Variants in RNF115 observed in about 807,000 individuals in gnomAD.
RNF115 encodes the protein ring finger protein 115.
RNF115 carries 31 observed loss-of-function variants against 39.2 expected under a neutral mutation model. That is an observed-to-expected ratio of 0.79 (90% CI 0.59 to 1.07). The LOEUF is 1.07. Ranked by LOEUF, RNF115 falls within the 50% of genes least tolerant of loss-of-function variation. The pLI is 0.00. For missense variants in RNF115, 384 were observed against 381.7 expected, an observed-to-expected ratio of 1.01 and a Z score of -0.05; for synonymous variants, 124 against 131.0, an observed-to-expected ratio of 0.95 and a Z score of 0.37.
intron 6 of RNF115, 31 bp from the exon 7 acceptor site, chr1:145,750,531 T>C: frequency 6.4e-7 from 1 of 1,556,142 alleles, no homozygotes; most frequent in South Asian, 1.1e-5. Flanking sequence ...AAAGACGAAG[T>C]GGCAGACATC....
chr1:145,785,905 A>T (rs1648358010), intron 2 of RNF115, among the ~76,000 whole-genome samples: 1 of 152,230 alleles, frequency 6.6e-6, no homozygotes, highest in Non-Finnish European at 1.5e-5. Flanking sequence ...TTGTACATCT[A>T]TGCTAAATAA....
In RNF115 at chr1:145,771,813, G is replaced by A; in HGVS notation, c.326C>T (p.Thr109Ile). The A allele has an allele frequency of 6.2e-7, 1 of 1,614,056 alleles. No homozygotes were observed. Among genetic ancestry groups the A allele is most frequent in the Non-Finnish European group, 8.5e-7 (1 of 1,179,920 alleles). Residue 109 changes from threonine (T) to isoleucine (I), a missense_variant, in exon 4 of 9, where the codon ACT becomes ATT. Thr to Ile is a moderately conservative substitution (Grantham distance 89, BLOSUM62 -1). Transcript: ENST00000582693. ...DNRANERGHQ[T>I]HTDFWGARPP... is the part of the protein sequence containing the mutation. ...TCTTGCTCCCCAGAAGTCAGTGTGA[G>A]TCTGGTGACCCCTTTCATTGGCTCT...
intron 4 of RNF115, among the ~76,000 whole-genome samples, chr1:145,769,857 A>T (rs892014699): frequency 2.5e-4 from 38 of 152,206 alleles, no homozygotes; most frequent in African/African-American, 8.9e-4. Flanking sequence ...AAATTGAAAA[A>T]TTAGCCAGGC....
intron 3 of RNF115, among the ~76,000 whole-genome samples, chr1:145,774,007 G>T (rs1470458016): frequency 6.6e-6 from 1 of 152,120 alleles, no homozygotes; most frequent in Non-Finnish European, 1.5e-5. Context: ...ATGCCACAAA[G>T]ATCTCTTACC....
intron 3 of RNF115, among the ~76,000 whole-genome samples, chr1:145,778,637 C>G (rs1394323609): frequency 6.6e-6 from 1 of 152,144 alleles, no homozygotes; most frequent in Admixed American, 6.5e-5. Context: ...ATACTCATCA[C>G]CCCGAAATGT....
At chr1:145,819,691 CAG>C (rs1650150335) in intron 1 of RNF115, among the ~76,000 whole-genome samples, 1 of 152,188 alleles carries the variant, frequency 6.6e-6, no homozygotes, top group Non-Finnish European at 1.5e-5. Flanking sequence ...CTAATGAACA[CAG>C]ACACAAAAAT....
rs1657691920 is a variant in RNF115, at chr1:145,741,546, G to A, written c.*5320C>T. The A allele has an allele frequency of 6.6e-6, 1 of 152,118 alleles. No homozygotes were observed. Among genetic ancestry groups the A allele is most frequent in the Non-Finnish European group, 1.5e-5 (1 of 68,022 alleles). The allele number at this position is 152,118 out of a possible 1,614,324, so 9.4% of individuals were successfully genotyped here. On this transcript the variant is annotated 3_prime_UTR_variant, in exon 9 of 9. Coordinates refer to ENST00000582693, the MANE Select transcript of RNF115 (RefSeq NM_014455.4). ...AGACACTGACATTACTGCAGGCTAG[G>A]ATTTCCCCCTATAGGACAGCCACTT...
At chr1:145,771,012 T>C (rs1265679269) in intron 4 of RNF115, among the ~76,000 whole-genome samples, 2 of 152,238 alleles carry the variant, frequency 1.3e-5, no homozygotes, top group African/African-American at 4.8e-5. Context: ...AAGTCCACTG[T>C]TCCAATCTGT....
rs116107350 is a variant in RNF115, at chr1:145,745,194, T to A, written c.*1672A>T. The A allele has an allele frequency of 2.0e-5, 3 of 152,024 alleles. No homozygotes were observed. Among genetic ancestry groups the A allele is most frequent in the African/African-American group, 7.3e-5 (3 of 41,364 alleles). 9.4% of individuals were successfully genotyped at this position (152,024 alleles called of 1,614,324 possible). On this transcript the variant is annotated 3_prime_UTR_variant, in exon 9 of 9. Transcript: ENST00000582693. ...AGGAAAAAAGACAGTAAACAATGAG[T>A]TGAGCACTTTGAGAGGTTGAGGCAG... is the stretch of plus-strand genomic sequence containing the variant.
intron 2 of RNF115, 49 bp downstream of exon 2, chr1:145,788,859 A>G (rs782009327): frequency 1.5e-6 from 2 of 1,314,848 alleles, no homozygotes; most frequent in South Asian, 2.3e-5. Flanking sequence ...CTGAGAGAAA[A>G]TAGTTTTGAT....
At chr1:145,822,207 T>C (rs1349660690) in intron 1 of RNF115, among the ~76,000 whole-genome samples, 54 of 151,660 alleles carry the variant, frequency 3.6e-4, no homozygotes, top group African/African-American at 1.3e-3. Flanking sequence ...CGTGCACCTA[T>C]AGTCCCAGCT....
At chr1:145,794,069 C>A (rs1484169387) in intron 1 of RNF115, among the ~76,000 whole-genome samples, 2 of 152,160 alleles carry the variant, frequency 1.3e-5, no homozygotes, top group Non-Finnish European at 2.9e-5. Flanking sequence ...GTCTCGAACT[C>A]CTGACCTCGA....
intron 3 of RNF115, among the ~76,000 whole-genome samples, chr1:145,784,306 A>G (rs1301934003): frequency 6.6e-6 from 1 of 152,222 alleles, no homozygotes; most frequent in African/African-American, 2.4e-5. Flanking sequence ...ACCAGTTTAA[A>G]AGAATACAGT....
At chr1:145,772,164 T>C (rs1401235947) in intron 3 of RNF115, 14 of 387,402 alleles carry the variant, frequency 3.6e-5, no homozygotes, top group Non-Finnish European at 3.7e-5. Flanking sequence ...ACCCACCAAG[T>C]GTTTAAGAGT....
chr1:145,768,722 C>T (rs1647496383), intron 4 of RNF115, among the ~76,000 whole-genome samples: 1 of 152,142 alleles, frequency 6.6e-6, no homozygotes, highest in East Asian at 1.9e-4. Flanking sequence ...CTTCTCAAAG[C>T]AAGAGGACAA....
rs200097748 is a variant in RNF115, at chr1:145,750,504, C to T, written c.574-4G>A. The T allele has an allele frequency of 1.4e-4, 229 of 1,611,428 alleles. 1 individual carries two copies. The highest frequency in any genetic ancestry group is 6.4e-4 in the Admixed American group (38 of 59,816). ...TGTTTTCCAGTTGTCCTAAAAGCTA[C>T]AAAAAAAGAGAAAGAAAAAGACGAA... On this transcript the variant is annotated splice_polypyrimidine_tract_variant and splice_region_variant and intron_variant, in intron 6 of 8. Transcript: ENST00000582693.
intron 3 of RNF115, chr1:145,773,144 CTT>C (rs1647716175): frequency 6.6e-6 from 1 of 152,078 alleles, no homozygotes; most frequent in Non-Finnish European, 1.5e-5. Flanking sequence ...TCCTTTAGCT[CTT>C]TGAGTATACT....
At chr1:145,811,880 T>A (rs1553722651) in intron 1 of RNF115, among the ~76,000 whole-genome samples, 1 of 7,284 alleles carries the variant, frequency 1.4e-4, no homozygotes. Flanking sequence ...AGATTCTGTC[T>A]CACAAAAAAA....
At chr1:145,799,126 G>A (rs587663635) in intron 1 of RNF115, among the ~76,000 whole-genome samples, 1 of 151,378 alleles carries the variant, frequency 6.6e-6, no homozygotes, top group South Asian at 2.1e-4. Context: ...GGGGTGCAGT[G>A]GCGCAATCTC....
Sources: allele counts gnomAD v4.1 joint callset (sites outside exome capture counted in the v4.1 genomes callset), GRCh38; gene constraint gnomAD v4.1.1; transcripts MANE v1.5; gene names NCBI Gene and HGNC (gene_info 2026-07-23, HGNC 2026-07-21).